Variants in ZNF512 observed in about 807,000 individuals in gnomAD.
ZNF512 encodes zinc finger protein 512.
ZNF512 carries 25 observed loss-of-function variants against 77.5 expected under a neutral mutation model. The observed-to-expected ratio is 0.32, with a 90% confidence interval of 0.23 to 0.45. The LOEUF (loss-of-function observed/expected upper bound fraction) is 0.45, where lower values mean the gene tolerates loss of function less well. Among genes scored for constraint, ZNF512 ranks in the 20% least tolerant of loss-of-function variants. The probability of loss-of-function intolerance (pLI) is 1.00; values close to 1 mark genes in which losing one functional copy is unlikely to be tolerated. For missense variants in ZNF512, 483 were observed against 692.6 expected (o/e 0.70, Z 3.40); for synonymous variants, 246 against 239.9 (o/e 1.03, Z -0.24).
At chr2:27,617,846 A>C (rs960579627) in intron 13 of ZNF512, among the ~76,000 whole-genome samples, 8 of 145,978 alleles carry the variant, frequency 5.5e-5, no homozygotes, top group African/African-American at 7.6e-5. Flanking sequence ...CAGGAGTTTG[A>C]GGCTGCAGTG....
chr2:27,599,822 G>A, intron 4 of ZNF512, 144 bp downstream of exon 4: 1 of 1,147,884 alleles, frequency 8.7e-7, no homozygotes, highest in South Asian at 1.4e-5. Flanking sequence ...CCTCCATCCT[G>A]CCTCATTATA....
At chr2:27,612,202 A>G (rs1485203771) in intron 10 of ZNF512, among the ~76,000 whole-genome samples, 1 of 152,014 alleles carries the variant, frequency 6.6e-6, no homozygotes, top group East Asian at 1.9e-4. Context: ...TTGGCAGTTG[A>G]GCGCTCTTTC....
At chr2:27,611,975 C>T (rs751704463) in intron 10 of ZNF512, among the ~76,000 whole-genome samples, 5 of 152,080 alleles carry the variant, frequency 3.3e-5, no homozygotes, top group Non-Finnish European at 5.9e-5. Context: ...CATGAACCAC[C>T]GTGCGTGGCC....
intron 7 of ZNF512, among the ~76,000 whole-genome samples, chr2:27,602,079 C>T (rs1372682367): frequency 1.3e-5 from 2 of 152,226 alleles, no homozygotes; most frequent in Admixed American, 6.5e-5. Context: ...CCACTGCGCC[C>T]GGCCTGGATG....
At chr2:27,596,985 T>TA (rs1671899309) in intron 2 of ZNF512, among the ~76,000 whole-genome samples, 1 of 152,258 alleles carries the variant, frequency 6.6e-6, no homozygotes, top group Admixed American at 6.5e-5. Context: ...GTGCTAGAGA[T>TA]ACTGTTTTGT....
intron 10 of ZNF512, among the ~76,000 whole-genome samples, chr2:27,612,155 T>C (rs1290389233): frequency 1.3e-5 from 2 of 152,232 alleles, no homozygotes. Context: ...AATCCAATGC[T>C]ATTATTATTT....
chr2:27,621,289 G>A lies in ZNF512; in HGVS notation c.1532G>A (p.Gly511Asp). The A allele has an allele frequency of 6.2e-7, 1 of 1,614,174 alleles. No homozygotes were observed. The highest frequency in any genetic ancestry group is 1.7e-5 in the Admixed American group (1 of 60,012). ...RRSLRRRQQP[G>D]IELPETELSL... ...TCTCTAAGAAGGCGGCAGCAGCCTG[G>A]CATTGAGCTTCCCGAGACAGAGCTG... is the stretch of plus-strand genomic sequence containing the variant. Residue 511 changes from glycine to aspartate, a missense_variant, in exon 14 of 14, where the codon GGC becomes GAC. By Grantham distance (94) the Gly-to-Asp change is moderately conservative. Coordinates refer to ENST00000355467, the MANE Select transcript of ZNF512 (RefSeq NM_032434.4).
At chr2:27,604,407 A>C (rs1335321774) in intron 9 of ZNF512, among the ~76,000 whole-genome samples, 1 of 152,038 alleles carries the variant, frequency 6.6e-6, no homozygotes, top group Non-Finnish European at 1.5e-5. Context: ...CAATTTACAC[A>C]TAGTAATGTT....
chr2:27,585,742 C>T (rs1460401040), intron 2 of ZNF512, among the ~76,000 whole-genome samples: 3 of 152,140 alleles, frequency 2.0e-5, no homozygotes, highest in African/African-American at 7.2e-5. Context: ...TGAAAATAGG[C>T]TAAACTTTTT....
chr2:27,618,126 G>A (rs999241675), intron 13 of ZNF512, among the ~76,000 whole-genome samples: 11 of 151,922 alleles, frequency 7.2e-5, no homozygotes, highest in Non-Finnish European at 1.0e-4. Flanking sequence ...TGCCACGTTG[G>A]CCAGGCTGGT....
chr2:27,618,773 T>A (rs1673002006), intron 13 of ZNF512, among the ~76,000 whole-genome samples: 1 of 152,194 alleles, frequency 6.6e-6, no homozygotes, highest in South Asian at 2.1e-4. Flanking sequence ...TGGGGAAGGT[T>A]TTTTAGTAAT....
intron 2 of ZNF512, among the ~76,000 whole-genome samples, chr2:27,595,195 G>A (rs1435109108): frequency 6.6e-6 from 1 of 152,062 alleles, no homozygotes; most frequent in Non-Finnish European, 1.5e-5. Context: ...TCTCCCTCTG[G>A]GATTACAACT....
In ZNF512 at chr2:27,603,128, T is replaced by C. The variant is rs967956502; in HGVS notation, c.769-12T>C. On this transcript the variant is annotated splice_polypyrimidine_tract_variant and intron_variant, in intron 8 of 13. Transcript: ENST00000355467. Reference sequence around the variant, plus strand: ...TGTAAGATTATAGTTTAGGCTTCTCTCCTCTGTTCAGAGTTGCTCCAGTAG... The same window carrying C: ...TGTAAGATTATAGTTTAGGCTTCTCCCCTCTGTTCAGAGTTGCTCCAGTAG... 2 of 1,613,540 alleles carry C rather than the reference T, an allele frequency of 1.2e-6. No individual in the cohort carries two copies. Among genetic ancestry groups the C allele is most frequent in the Admixed American group, 3.3e-5 (2 of 59,926 alleles).
chr2:27,583,086 G>T lies in ZNF512; in HGVS notation c.-27G>T. Reference sequence around the variant, plus strand: ...GTTGGTCTGGCCGGAGCCCTTGGGTGAAATTGTTAGGCGTGGAGAGGGAGT... The same window carrying T: ...GTTGGTCTGGCCGGAGCCCTTGGGTTAAATTGTTAGGCGTGGAGAGGGAGT... On this transcript the variant is annotated 5_prime_UTR_variant, in exon 1 of 14. Coordinates refer to ENST00000355467, the MANE Select transcript of ZNF512 (RefSeq NM_032434.4). 6.2e-7 allele frequency: 1 copy of T among 1,614,114 alleles called. No individual in the cohort carries two copies. Among genetic ancestry groups the T allele is most frequent in the East Asian group, 2.2e-5 (1 of 44,876 alleles).
intron 3 of ZNF512, among the ~76,000 whole-genome samples, chr2:27,598,936 G>A (rs1230677885): frequency 1.3e-5 from 2 of 151,968 alleles, no homozygotes; most frequent in South Asian, 2.1e-4. Context: ...GGGTTCAAGC[G>A]ATTCTCCTGC....
chr2:27,622,468 A>G lies in ZNF512; in HGVS notation c.*1007A>G, dbSNP rs926741070. The G allele has an allele frequency of 6.5e-6, 1 of 152,732 alleles. No individual in the cohort carries two copies. Among genetic ancestry groups the G allele is most frequent in the African/African-American group, 2.4e-5 (1 of 41,432 alleles). 9.5% of individuals were successfully genotyped at this position (152,732 alleles called of 1,614,324 possible). On this transcript the variant is annotated 3_prime_UTR_variant, in exon 14 of 14. Coordinates refer to ENST00000355467, the MANE Select transcript of ZNF512 (RefSeq NM_032434.4). ...CTGTCTTTTTGAATTTTCTGAGAAT[A>G]TTGTCCTATCCTCTTTTATATATGG... is the stretch of plus-strand genomic sequence containing the variant.
intron 8 of ZNF512, 106 bp from the exon 9 acceptor site, chr2:27,603,034 G>A (rs1374941741): frequency 4.7e-6 from 6 of 1,279,940 alleles, no homozygotes; most frequent in East Asian, 4.6e-5. Context: ...GAAATCAGAG[G>A]GTCTATTTGT....
chr2:27,601,847 C>T (rs548754918), intron 7 of ZNF512, among the ~76,000 whole-genome samples: 1 of 152,344 alleles, frequency 6.6e-6, no homozygotes, highest in East Asian at 1.9e-4. Context: ...GGCAGTTTCT[C>T]CATGTTGGTC....
At chr2:27,585,340 G>T (rs770890189) in intron 2 of ZNF512, among the ~76,000 whole-genome samples, 13 of 152,232 alleles carry the variant, frequency 8.5e-5, no homozygotes, top group Non-Finnish European at 1.6e-4. Context: ...CAAGCTGAGA[G>T]TTTTAATGAG....
Sources: allele counts gnomAD v4.1 joint callset (sites outside exome capture counted in the v4.1 genomes callset), GRCh38; gene constraint gnomAD v4.1.1; transcripts MANE v1.5; gene names NCBI Gene and HGNC (gene_info 2026-07-23, HGNC 2026-07-21).